Variants in WDR43 observed in about 807,000 individuals in gnomAD.
WDR43 encodes the protein WD repeat-containing protein 43.
WDR43 carries 13 observed loss-of-function variants against 91.4 expected under a neutral mutation model. The ratio of observed to expected loss-of-function variants is 0.14; its 90% CI spans 0.09 to 0.23. The LOEUF (loss-of-function observed/expected upper bound fraction) is 0.23. WDR43 is among the 10% of genes least tolerant of loss of function. The probability of loss-of-function intolerance (pLI) is 1.00; values close to 1 mark genes in which losing one functional copy is unlikely to be tolerated. For missense variants in WDR43, 780 were observed against 809.4 expected (o/e 0.96, Z 0.44); for synonymous variants, 331 against 287.9 (o/e 1.15, Z -1.51).
intron 14 of WDR43, among the ~76,000 whole-genome samples, chr2:28,938,967 C>G (rs1322488887): frequency 0.015 from 681 of 46,170 alleles, no homozygotes; most frequent in Middle Eastern, 0.042. Flanking sequence ...GGTGGCCTGG[C>G]AGCACTGGTG....
intron 6 of WDR43, among the ~76,000 whole-genome samples, chr2:28,919,939 C>G (rs1205685725): frequency 2.0e-5 from 3 of 151,748 alleles, no homozygotes; most frequent in South Asian, 2.1e-4. Flanking sequence ...CCCCTGGGTT[C>G]AAGCAGTTCT....
At chr2:28,916,417 T>G (rs1670911789) in intron 5 of WDR43, among the ~76,000 whole-genome samples, 1 of 152,180 alleles carries the variant, frequency 6.6e-6, no homozygotes, top group Non-Finnish European at 1.5e-5. Context: ...TCATCAACAC[T>G]TGGTATAGCA....
chr2:28,897,018 C>A (rs1451899729), intron 1 of WDR43, among the ~76,000 whole-genome samples: 1 of 152,104 alleles, frequency 6.6e-6, no homozygotes, highest in Non-Finnish European at 1.5e-5. Context: ...TTGACTCAAG[C>A]CTTAATAACC....
intron 16 of WDR43, 37 bp downstream of exon 16, chr2:28,942,418 T>C (rs759164315): frequency 2.2e-5 from 35 of 1,596,104 alleles, no homozygotes; most frequent in East Asian, 1.3e-4. Context: ...TCTAGAATTA[T>C]AACATTCAGT....
In WDR43 at chr2:28,917,912, A is replaced by G; in HGVS notation, c.766A>G (p.Lys256Glu). ...LNVWQVRSEN[K>E]EKSAVMSFTV... ...ATCTAGGCAGGTCCGATCAGAAAAC[A>G]AAGAAAAGAGTGCAGTGATGTCATT... Residue 256 changes from lysine to glutamate, a missense_variant, in exon 6 of 18, where the codon AAA becomes GAA. Lys to Glu is a moderately conservative substitution (Grantham distance 56, BLOSUM62 1). Transcript: ENST00000407426. 6.3e-7 allele frequency: 1 copy of G among 1,583,726 alleles called. No homozygotes were observed. The highest frequency in any genetic ancestry group is 8.6e-7 in the Non-Finnish European group (1 of 1,163,910).
intron 1 of WDR43, chr2:28,895,461 TCTTAA>T (rs1352529851): frequency 6.6e-6 from 1 of 152,402 alleles, no homozygotes; most frequent in Non-Finnish European, 1.5e-5. Context: ...GACTCTCAAC[TCTTAA>T]CTTTTGCCTT....
rs10187526 is a variant in WDR43 at position 28,937,841 on chromosome 2, C to T, written c.1557-90C>T. 0.012 allele frequency: 14,549 copies of T among 1,199,170 alleles called. 1,274 individuals carry two copies. The African/African-American group carries it at 0.19, about 16-fold the overall frequency. 74.3% of individuals were successfully genotyped at this position (1,199,170 alleles called of 1,614,324 possible). On this transcript the variant is annotated intron_variant, in intron 13 of 17. Coordinates refer to ENST00000407426, the MANE Select transcript of WDR43 (RefSeq NM_015131.3). ...ATTTTCACAGAGCAACATTTATAGA[C>T]CTTCACTTGTCTGTCTGGGTTTTCT...
intron 1 of WDR43, among the ~76,000 whole-genome samples, chr2:28,900,281 G>A (rs1454059924): frequency 1.3e-5 from 2 of 152,136 alleles, no homozygotes; most frequent in South Asian, 2.1e-4. Flanking sequence ...TCTGCCTCCC[G>A]GGTTCAAGCA....
intron 2 of WDR43, among the ~76,000 whole-genome samples, chr2:28,902,862 A>G (rs1670601496): frequency 6.6e-6 from 1 of 152,234 alleles, no homozygotes; most frequent in South Asian, 2.1e-4. Context: ...GAACTGGTCT[A>G]GTAGGTTCAG....
Position 28,937,967 on chromosome 2 carries a change from A to G in WDR43, c.1593A>G (p.Leu531=). 6.2e-7 allele frequency: 1 copy of G among 1,613,910 alleles called. No individual in the cohort carries two copies. The highest frequency in any genetic ancestry group is 8.5e-7 in the Non-Finnish European group (1 of 1,179,848). The change falls in exon 14 of 18, where the codon TTA becomes TTG. Residue 531 remains leucine (L), a synonymous_variant. Coordinates refer to ENST00000407426, the MANE Select transcript of WDR43 (RefSeq NM_015131.3). The part of the protein sequence containing the change: ...VLMVQWLKCV[L]TVHASYLSTL... ...TGGTTCAGTGGCTAAAATGTGTGTT[A>G]ACAGTTCATGCATCATACCTGTCCA...
intron 11 of WDR43, chr2:28,930,036 C>T: frequency 2.0e-6 from 1 of 492,424 alleles, no homozygotes; most frequent in Non-Finnish European, 4.1e-6. Context: ...TTCTAGATCA[C>T]AATTTATATT....
At chr2:28,928,229 A>G (rs1465563317) in intron 10 of WDR43, among the ~76,000 whole-genome samples, 1 of 152,192 alleles carries the variant, frequency 6.6e-6, no homozygotes, top group Non-Finnish European at 1.5e-5. Context: ...CTCTTACATA[A>G]GGAATCTGGA....
intron 3 of WDR43, among the ~76,000 whole-genome samples, chr2:28,908,933 AT>A (rs575399498): frequency 6.6e-6 from 1 of 150,980 alleles, no homozygotes; most frequent in African/African-American, 2.4e-5. Flanking sequence ...TATGTTTAAT[AT>A]TTTTTTTTGT....
At position 28,927,578 on chromosome 2, in the gene WDR43, C is replaced by A. The variant is rs1358857179; in HGVS notation, c.1183C>A (p.Pro395Thr). 2.5e-6 allele frequency: 4 copies of A among 1,613,778 alleles called. No individual in the cohort carries two copies. The highest frequency in any genetic ancestry group is 3.4e-6 in the Non-Finnish European group (4 of 1,179,804). The change falls in exon 10 of 18, where the codon CCA (proline) becomes ACA (threonine). Residue 395 changes from proline (P) to threonine (T), a missense_variant. Physicochemically the swap from Pro to Thr is conservative, Grantham distance 38 (BLOSUM62 -1). This residue lies in a region of WDR43 where 426 missense variants were observed against 467.8 expected (regional missense o/e 0.91). Coordinates refer to ENST00000407426, the MANE Select transcript of WDR43 (RefSeq NM_015131.3). ...TATTCCTGTTGAACAGGTGAGGACA[C>A]CAGTGATGAATTCTGAAGCAAAAGT... Reference protein sequence around the residue: ...VETAITKVRTPVMNSEAKVLV... With the variant: ...VETAITKVRTTVMNSEAKVLV...
Position 28,946,883 on chromosome 2 carries a change from A to C in WDR43, c.*104A>C. 1 of 1,346,196 alleles carries C rather than the reference A, an allele frequency of 7.4e-7. No homozygotes were observed. The highest frequency in any genetic ancestry group is 9.8e-7 in the Non-Finnish European group (1 of 1,015,688). 83.4% of individuals were successfully genotyped at this position (1,346,196 alleles called of 1,614,324 possible). ...ATGCCAAGGACCGCTGCACATTTCC[A>C]AATTCACAGCAGTGGATCCCATGCC... is the stretch of plus-strand genomic sequence containing the variant. On this transcript the variant is annotated 3_prime_UTR_variant, in exon 18 of 18. Transcript: ENST00000407426.
At chr2:28,895,066 G>C in intron 1 of WDR43, 143 bp downstream of exon 1, 1 of 830,384 alleles carries the variant, frequency 1.2e-6, no homozygotes, top group South Asian at 4.1e-5. Context: ...GGCGCGTTCA[G>C]GGCCCAAGCC....
At chr2:28,945,964 T>A (rs1402139725) in intron 16 of WDR43, among the ~76,000 whole-genome samples, 1 of 152,208 alleles carries the variant, frequency 6.6e-6, no homozygotes, top group Non-Finnish European at 1.5e-5. Context: ...AAGATGAGAT[T>A]TTTGTAAGGG....
At chr2:28,918,321 G>GGTGTGTGTGT (rs10578792) in intron 6 of WDR43, among the ~76,000 whole-genome samples, 2 of 150,592 alleles carry the variant, frequency 1.3e-5, no homozygotes, top group African/African-American at 4.9e-5. Flanking sequence ...TCCTAACTAA[G>GGTGTGTGTGT]GTGTGTGTGT....
intron 2 of WDR43, 47 bp from the exon 3 acceptor site, chr2:28,906,413 G>A (rs1454451968): frequency 1.3e-6 from 2 of 1,505,728 alleles, no homozygotes; most frequent in Non-Finnish European, 1.8e-6. Flanking sequence ...TTTGAGCCCA[G>A]GAGTTTGAGA....
Sources: gnomAD v4.1 joint callset for allele counts (sites outside exome capture counted in the v4.1 genomes callset) on GRCh38, gnomAD v4.1.1 for gene constraint, gnomAD v4.1.1 regional missense constraint, MANE v1.5 for transcripts, NCBI Gene and HGNC (gene_info 2026-07-23, HGNC 2026-07-21) for gene names.